ERCC6L2: variants seen among roughly 807,000 people sequenced by gnomAD.
The protein encoded by ERCC6L2 is DNA excision repair protein ERCC-6-like 2.
ERCC6L2 carries 77 observed loss-of-function variants against 132.0 expected under a neutral mutation model. The observed-to-expected ratio is 0.58, with a 90% CI of 0.49 to 0.71. The LOEUF (loss-of-function observed/expected upper bound fraction) is 0.71. ERCC6L2 is among the 30% of genes least tolerant of loss of function. The pLI, the probability that ERCC6L2 is intolerant of heterozygous loss-of-function variation, is 0.00. For missense variants in ERCC6L2, 1,542 were observed against 1,837.6 expected, an observed-to-expected ratio of 0.84 and a Z score of 2.94; for synonymous variants, 583 against 632.4, an observed-to-expected ratio of 0.92 and a Z score of 1.17.
rs1206816727 is a variant in ERCC6L2, at chr9:96,016,973, G to C, written c.*3770G>C. Among the ~76,000 whole-genome samples the C allele has an allele frequency of 6.6e-6, 1 of 152,168 alleles. No individual in the cohort carries two copies. Among genetic ancestry groups the C allele is most frequent in the Non-Finnish European group, 1.5e-5 (1 of 68,024 alleles). On this transcript the variant is annotated 3_prime_UTR_variant, in exon 19 of 19. Coordinates refer to ENST00000653738, the MANE Select transcript of ERCC6L2 (RefSeq NM_020207.7). ...TATGTCACAAATCCAGCTAACAGTG[G>C]ATCTAGGATCTAGGCCTCACCGAGG...
At chr9:95,917,489 T>C (rs1829655446) in intron 6 of ERCC6L2, among the ~76,000 whole-genome samples, 1 of 152,172 alleles carries the variant, frequency 6.6e-6, no homozygotes. Flanking sequence ...GAAAGGAAAA[T>C]ACGATATTGA....
chr9:95,894,651 A>G (rs1828355057), intron 2 of ERCC6L2, among the ~76,000 whole-genome samples: 1 of 136,240 alleles, frequency 7.3e-6, no homozygotes. Context: ...ATGGAGTGCA[A>G]TGGCGTGATC....
chr9:95,982,140 T>A (rs2423), intron 17 of ERCC6L2, among the ~76,000 whole-genome samples: 4,626 of 152,222 alleles, frequency 0.03, 94 homozygotes, highest in East Asian at 0.13. Flanking sequence ...CCTGGATTAA[T>A]AGTAAGCCCC....
At chr9:95,908,070 C>G (rs1319622068) in intron 4 of ERCC6L2, among the ~76,000 whole-genome samples, 1 of 152,056 alleles carries the variant, frequency 6.6e-6, no homozygotes, top group East Asian at 1.9e-4. Flanking sequence ...TTTGTAAATA[C>G]CTTAGCTTCT....
chr9:95,975,045 C>T (rs995448758), intron 16 of ERCC6L2, among the ~76,000 whole-genome samples: 33 of 152,226 alleles, frequency 2.2e-4, no homozygotes, highest in African/African-American at 7.7e-4. Context: ...AACAGTACTA[C>T]CTCCATTTGA....
intron 16 of ERCC6L2, among the ~76,000 whole-genome samples, chr9:95,974,144 A>C (rs145014121): frequency 4.2e-4 from 64 of 152,300 alleles, no homozygotes; most frequent in African/African-American, 1.5e-3. Context: ...TTATTTATTC[A>C]TTCAGAGTAG....
At chr9:96,026,658 A>G (rs980421931) in intron 19 of ERCC6L2, among the ~76,000 whole-genome samples, 2 of 140,312 alleles carry the variant, frequency 1.4e-5, no homozygotes, top group Non-Finnish European at 3.2e-5. Context: ...CCACACACAA[A>G]CACACCACAC....
At chr9:95,914,131 C>T (rs926418824) in intron 4 of ERCC6L2, among the ~76,000 whole-genome samples, 3 of 152,192 alleles carry the variant, frequency 2.0e-5, no homozygotes, top group Admixed American at 2.0e-4. Flanking sequence ...TCTGGTTTCT[C>T]CACATCCTTA....
chr9:95,943,488 T>G (rs1264649734), intron 12 of ERCC6L2, among the ~76,000 whole-genome samples: 10 of 152,154 alleles, frequency 6.6e-5, no homozygotes, highest in Non-Finnish European at 1.5e-4. Context: ...TATGTAGATG[T>G]AGAATGGGAC....
chr9:96,027,306 G>A (rs919749156), intron 19 of ERCC6L2, among the ~76,000 whole-genome samples: 18 of 152,314 alleles, frequency 1.2e-4, no homozygotes, highest in African/African-American at 3.6e-4. Flanking sequence ...GAGACGGAGT[G>A]ACCGGCAGGA....
chr9:95,994,839 A>C (rs149272896), intron 17 of ERCC6L2, among the ~76,000 whole-genome samples: 1 of 152,242 alleles, frequency 6.6e-6, no homozygotes, highest in African/African-American at 2.4e-5. Context: ...TTTTTGCCTC[A>C]TTTGTTACAG....
At position 96,012,612 on chromosome 9, in the gene ERCC6L2, A is replaced by G; in HGVS notation, c.4062A>G (p.Ala1354=). Residue 1354 remains alanine, a synonymous_variant, in exon 19 of 19, where the codon GCA becomes GCG. Transcript: ENST00000653738. ...GAGAAGAGGTGTTTTTTAATGATGC[A>G]GAAACTAAGAAATCACCTGTTAGTT... ...SYREEVFFND[A]ETKKSPVSST... 6.6e-6 allele frequency: 9 copies of G among 1,367,670 alleles called. No individual in the cohort carries two copies. The highest frequency in any genetic ancestry group is 7.8e-6 in the Non-Finnish European group (8 of 1,021,828). 84.7% of individuals were successfully genotyped at this position (1,367,670 alleles called of 1,614,324 possible).
chr9:96,032,333 C>T (rs73654818), intron 19 of ERCC6L2, among the ~76,000 whole-genome samples: 3,963 of 152,350 alleles, frequency 0.026, 195 homozygotes, highest in African/African-American at 0.091. Context: ...ATCAGCTCTA[C>T]AAATGGAAAC....
chr9:95,880,723 A>G, intron 1 of ERCC6L2, 146 bp from the exon 2 acceptor site: 3 of 613,766 alleles, frequency 4.9e-6, no homozygotes, highest in Non-Finnish European at 5.6e-6. Context: ...TTTTAGAAAA[A>G]TATCTATACA....
intron 19 of ERCC6L2, chr9:96,038,761 T>G (rs1311373975): frequency 2.4e-6 from 1 of 424,888 alleles, no homozygotes; most frequent in Non-Finnish European, 4.7e-6. Context: ...TTGATCTTAC[T>G]CTTTTCAAAA....
chr9:95,967,352 A>G (rs1194248464), intron 14 of ERCC6L2: 3 of 152,174 alleles, frequency 2.0e-5, no homozygotes, highest in Middle Eastern at 3.4e-3. Flanking sequence ...ATCTTTTTCA[A>G]CCTCCTCATG....
rs766503003 is a variant in ERCC6L2 at position 95,923,260 on chromosome 9, G to T, written c.1414G>T (p.Glu472Ter). Residue 472 changes from glutamate (E) to a stop codon, truncating the protein, a stop_gained and splice_region_variant, in exon 9 of 19, where the codon GAA becomes TAA. Coordinates refer to ENST00000653738, the MANE Select transcript of ERCC6L2 (RefSeq NM_020207.7). LOFTEE classifies it high-confidence loss of function. ...TTTTCTTCTGCCTTTTCCCTTCAAG[G>T]AAACACTTATCAAAAGGATATGTGA... ...LQAASTSKQQ[E>*]TLIKRICDQV... The T allele has an allele frequency of 6.2e-7, 1 of 1,612,484 alleles. No homozygotes were observed. The highest frequency in any genetic ancestry group is 8.5e-7 in the Non-Finnish European group (1 of 1,179,238).
At chr9:95,946,765 G>T (rs1043417189) in intron 12 of ERCC6L2, among the ~76,000 whole-genome samples, 2 of 152,158 alleles carry the variant, frequency 1.3e-5, no homozygotes, top group Admixed American at 6.5e-5. Flanking sequence ...ATGCTCACTT[G>T]TGTCTCTGTG....
Position 95,998,696 on chromosome 9 carries a change from A to T in ERCC6L2, c.3493-5824A>T, listed in dbSNP as rs1833552921. ...ATTATCCCAGAGCCTTCAAAAAGGA[A>T]TGCAGCCCTGCCAACATCTTGACTT... On this transcript the variant is annotated intron_variant, in intron 17 of 18. Coordinates refer to ENST00000653738, the MANE Select transcript of ERCC6L2 (RefSeq NM_020207.7). 2.6e-5 allele frequency among the ~76,000 whole-genome samples: 4 copies of T among 152,328 alleles called. No homozygotes were observed. In the South Asian group the frequency reaches 8.3e-4, roughly 32 times the overall value.
Sources: gnomAD v4.1 joint callset for allele counts (sites outside exome capture counted in the v4.1 genomes callset) on GRCh38, gnomAD v4.1.1 for gene constraint, MANE v1.5 for transcripts, NCBI Gene and HGNC (gene_info 2026-07-23, HGNC 2026-07-21) for gene names.